FABP3: variants seen among roughly 807,000 people sequenced by gnomAD.
FABP3 encodes fatty acid-binding protein, heart.
A neutral mutation model predicts 13.4 loss-of-function variants in FABP3; 8 were observed. The ratio of observed to expected loss-of-function variants is 0.60; its 90% CI spans 0.35 to 1.07. FABP3 has a LOEUF of 1.07. FABP3 is among the 50% of genes least tolerant of loss of function. The pLI, the probability that FABP3 is intolerant of heterozygous loss-of-function variation, is 0.02. For synonymous variants in FABP3, 64 were observed against 60.0 expected, an observed-to-expected ratio of 1.07 and a Z score of -0.31; for missense variants, 135 against 164.7, an observed-to-expected ratio of 0.82 and a Z score of 0.99.
At chr1:31,364,163 G>C (rs368664445), downstream of FABP3, 2 of 1,613,562 alleles carry the variant, frequency 1.2e-6, no homozygotes, top group Non-Finnish European at 1.7e-6. Context: ...AGAAAAAGAA[G>C]AAGAAGCACA....
At chr1:31,371,944 G>C (rs1640216021) in intron 1 of FABP3, among the ~76,000 whole-genome samples, 1 of 152,164 alleles carries the variant, frequency 6.6e-6, no homozygotes, top group Non-Finnish European at 1.5e-5. Context: ...GAAGAGCTCT[G>C]GGTTACAGAT....
At chr1:31,367,085 A>G (rs1033426022) in intron 3 of FABP3, among the ~76,000 whole-genome samples, 1 of 152,190 alleles carries the variant, frequency 6.6e-6, no homozygotes, top group Non-Finnish European at 1.5e-5. Flanking sequence ...CTGTGCATAC[A>G]CTGTCTCTTA....
downstream of FABP3, among the ~76,000 whole-genome samples, chr1:31,360,725 A>T (rs1639852108): frequency 6.6e-6 from 1 of 152,178 alleles, no homozygotes; most frequent in African/African-American, 2.4e-5. Flanking sequence ...TCTTTGAGAG[A>T]GAACAAAGTG....
At chr1:31,366,058 A>ATGTGTGTG in intron 3 of FABP3, 119 bp from the exon 4 acceptor site, 2 of 704,174 alleles carry the variant, frequency 2.8e-6, no homozygotes, top group South Asian at 3.0e-5. Context: ...GGCTATATGT[A>ATGTGTGTG]TGTATGTGTG....
chr1:31,370,718 C>G (rs1210231781), intron 1 of FABP3, among the ~76,000 whole-genome samples: 1 of 152,184 alleles, frequency 6.6e-6, no homozygotes, highest in East Asian at 1.9e-4. Context: ...TCCTAAGTGT[C>G]CTGCAACCAA....
downstream of FABP3, chr1:31,364,308 C>T (rs1640049096): frequency 7.0e-7 from 1 of 1,437,608 alleles, no homozygotes; most frequent in Non-Finnish European, 9.2e-7. Flanking sequence ...TAACTTCGCT[C>T]CCATGGGAGA....
At position 31,365,947 on chromosome 1, in the gene FABP3, G is replaced by A; in HGVS notation, c.349-8C>T. The stretch of plus-strand genomic sequence containing the variant: ...AGTGCCGTGGGTGAGTGTCTGGAAG[G>A]AAAGACAGAGTGAGATGGGGGGTGG... On this transcript the variant is annotated splice_region_variant and splice_polypyrimidine_tract_variant and intron_variant, in intron 3 of 3. Coordinates refer to ENST00000373713, the MANE Select transcript of FABP3 (RefSeq NM_004102.5). 1 of 1,613,668 alleles carries A rather than the reference G, an allele frequency of 6.2e-7. No homozygotes were observed. Among genetic ancestry groups the A allele is most frequent in the Non-Finnish European group, 8.5e-7 (1 of 1,179,790 alleles).
chr1:31,364,821 C>G (rs543121860), downstream of FABP3: 5 of 152,454 alleles, frequency 3.3e-5, no homozygotes, highest in South Asian at 1.0e-3. Flanking sequence ...CTGAACCAGA[C>G]AGCGAAGCCA....
At chr1:31,370,387 G>A (rs991363346) in intron 1 of FABP3, among the ~76,000 whole-genome samples, 1 of 152,196 alleles carries the variant, frequency 6.6e-6, no homozygotes, top group Admixed American at 6.5e-5. Context: ...ATAAGGCTGA[G>A]GAAAGAAGAG....
chr1:31,362,013 T>A (rs1479283543), downstream of FABP3, among the ~76,000 whole-genome samples: 1 of 152,168 alleles, frequency 6.6e-6, no homozygotes, highest in Non-Finnish European at 1.5e-5. Context: ...GGTTTCACCA[T>A]GTTGGCCAGG....
intron 3 of FABP3, 51 bp from the exon 4 acceptor site, chr1:31,365,990 C>T (rs768731381): frequency 1.8e-5 from 27 of 1,528,020 alleles, no homozygotes; most frequent in Middle Eastern, 3.4e-4. Context: ...AACACCATTG[C>T]GAGCATTCTA....
intron 1 of FABP3, among the ~76,000 whole-genome samples, chr1:31,371,895 C>A (rs1044110629): frequency 5.9e-5 from 9 of 152,208 alleles, no homozygotes; most frequent in Non-Finnish European, 1.2e-4. Flanking sequence ...TAAGCAGTTT[C>A]TACTTTTCTT....
chr1:31,364,202 A>G (rs1472160219), downstream of FABP3: 1 of 1,611,468 alleles, frequency 6.2e-7, no homozygotes, highest in Admixed American at 1.7e-5. Flanking sequence ...GAGAGTATAA[A>G]GAGTGTAGGG....
downstream of FABP3, among the ~76,000 whole-genome samples, chr1:31,362,193 T>C (rs968040655): frequency 7.2e-5 from 11 of 152,298 alleles, no homozygotes; most frequent in East Asian, 1.9e-3. Flanking sequence ...GGATGCAGAA[T>C]AGTAAATGGC....
intron 2 of FABP3, among the ~76,000 whole-genome samples, chr1:31,368,512 C>G (rs1385563454): frequency 6.6e-6 from 1 of 152,224 alleles, no homozygotes; most frequent in Non-Finnish European, 1.5e-5. Flanking sequence ...GGCACCATCC[C>G]CAGCTCTGCT....
At chr1:31,361,047 G>A (rs1639869958), downstream of FABP3, among the ~76,000 whole-genome samples, 1 of 152,126 alleles carries the variant, frequency 6.6e-6, no homozygotes, top group African/African-American at 2.4e-5. Flanking sequence ...ACCTATATAA[G>A]GGGCAGAACC....
downstream of FABP3, chr1:31,364,992 G>A (rs1298076588): frequency 6.6e-6 from 1 of 152,182 alleles, no homozygotes; most frequent in African/African-American, 2.4e-5. Context: ...CAGACTTAAA[G>A]TCACTGAGCC....
intron 3 of FABP3, 123 bp from the exon 4 acceptor site, chr1:31,366,062 ATGTGTG>A (rs3049341): frequency 0.01 from 5,840 of 575,376 alleles, 76 homozygotes; most frequent in African/African-American, 0.055. Context: ...ATATGTATGT[ATGTGTG>A]TGTGTGTGTG....
chr1:31,368,179 T>C (rs1309481989), intron 2 of FABP3, among the ~76,000 whole-genome samples: 2 of 152,144 alleles, frequency 1.3e-5, no homozygotes, highest in Non-Finnish European at 2.9e-5. Flanking sequence ...TCCTAGGAGT[T>C]TGGGGGCCAC....
Sources: allele counts gnomAD v4.1 joint callset (sites outside exome capture counted in the v4.1 genomes callset), GRCh38; gene constraint gnomAD v4.1.1; transcripts MANE v1.5; gene names NCBI Gene and HGNC (gene_info 2026-07-23, HGNC 2026-07-21).